EXOC6B: variants seen among roughly 807,000 people sequenced by gnomAD.
EXOC6B encodes exocyst complex component 6B, also known as SEC15 homolog B.
In EXOC6B, 54 loss-of-function variants were observed where a neutral mutation model predicts 113.5. The observed-to-expected ratio is 0.48, with a 90% CI of 0.38 to 0.60. EXOC6B has a LOEUF of 0.60. Ranked by LOEUF, EXOC6B falls within the 20% of genes least tolerant of loss-of-function variation. EXOC6B has a pLI of 0.00. For missense variants in EXOC6B, 797 were observed against 977.5 expected (o/e 0.82, Z 2.46); for synonymous variants, 357 against 339.0 (o/e 1.05, Z -0.58).
intron 1 of EXOC6B, among the ~76,000 whole-genome samples, chr2:72,794,188 C>G (rs1019866252): frequency 2.2e-4 from 34 of 152,226 alleles, no homozygotes; most frequent in Non-Finnish European, 4.9e-4. Context: ...CACAGATAAT[C>G]TGCCAGTTGG....
chr2:72,241,606 T>C (rs1390736906), intron 20 of EXOC6B, among the ~76,000 whole-genome samples: 1 of 151,694 alleles, frequency 6.6e-6, no homozygotes, highest in East Asian at 1.9e-4. Flanking sequence ...TTAAAAGAAG[T>C]TGGGGAGGGG....
intron 6 of EXOC6B, among the ~76,000 whole-genome samples, chr2:72,607,701 ATAT>A (rs1446809894): frequency 2.0e-5 from 3 of 152,172 alleles, no homozygotes; most frequent in African/African-American, 7.2e-5. Context: ...ACAATTAATA[ATAT>A]TATAATTCTT....
chr2:72,312,818 AAAAC>A (rs1687284032), intron 20 of EXOC6B, among the ~76,000 whole-genome samples: 1 of 151,934 alleles, frequency 6.6e-6, no homozygotes, highest in African/African-American at 2.4e-5. Flanking sequence ...AAAAAAACAA[AAAAC>A]AAAGTGAAAA....
intron 2 of EXOC6B, among the ~76,000 whole-genome samples, chr2:72,738,492 T>G (rs1394692422): frequency 6.6e-6 from 1 of 152,214 alleles, no homozygotes; most frequent in Non-Finnish European, 1.5e-5. Flanking sequence ...GAATGAAAAT[T>G]TTGTATTAAT....
chr2:72,714,749 C>G (rs915526643), intron 6 of EXOC6B, among the ~76,000 whole-genome samples: 1 of 152,102 alleles, frequency 6.6e-6, no homozygotes, highest in African/African-American at 2.4e-5. Context: ...AATGTAAGGC[C>G]ATCAAACTGA....
intron 16 of EXOC6B, among the ~76,000 whole-genome samples, chr2:72,484,563 T>TCA (rs1446665788): frequency 4.0e-5 from 4 of 99,772 alleles, no homozygotes; most frequent in African/African-American, 1.8e-4. Flanking sequence ...CGAGACTCCG[T>TCA]CACAAAAAAA....
chr2:72,280,787 AC>A (rs768808995), intron 20 of EXOC6B, among the ~76,000 whole-genome samples: 24 of 152,116 alleles, frequency 1.6e-4, no homozygotes, highest in Admixed American at 5.9e-4. Context: ...AATGCCACAT[AC>A]CATATATTTT....
At chr2:72,647,319 G>C (rs1047014098) in intron 6 of EXOC6B, among the ~76,000 whole-genome samples, 1 of 152,034 alleles carries the variant, frequency 6.6e-6, no homozygotes, top group African/African-American at 2.4e-5. Flanking sequence ...TCATAGATAG[G>C]AAGAATCAAT....
chr2:72,531,183 T>C (rs1701980710), intron 8 of EXOC6B, among the ~76,000 whole-genome samples: 1 of 152,184 alleles, frequency 6.6e-6, no homozygotes, highest in South Asian at 2.1e-4. Context: ...TAAATAACCA[T>C]TTTTTAGAAT....
At chr2:72,440,069 G>A (rs1696109163) in intron 18 of EXOC6B, among the ~76,000 whole-genome samples, 1 of 152,106 alleles carries the variant, frequency 6.6e-6, no homozygotes, top group Admixed American at 6.6e-5. Flanking sequence ...CTGTACCAGG[G>A]AGGTATGGAC....
At chr2:72,475,567 TG>T (rs1450885786) in intron 17 of EXOC6B, among the ~76,000 whole-genome samples, 2 of 151,946 alleles carry the variant, frequency 1.3e-5, no homozygotes, top group East Asian at 3.9e-4. Flanking sequence ...GCACAGGGGT[TG>T]GGGGGTGGCA....
intron 6 of EXOC6B, among the ~76,000 whole-genome samples, chr2:72,715,854 T>C (rs1679578753): frequency 6.6e-6 from 1 of 152,120 alleles, no homozygotes; most frequent in Admixed American, 6.5e-5. Context: ...TGAGCATCCC[T>C]GGAAGATACT....
At chr2:72,234,083 C>CTTTTTTT (rs34660222) in intron 20 of EXOC6B, among the ~76,000 whole-genome samples, 5 of 131,912 alleles carry the variant, frequency 3.8e-5, no homozygotes, top group African/African-American at 1.5e-4. Context: ...TGGACCGCCT[C>CTTTTTTT]TTTTTTTTTT....
chr2:72,338,964 T>C (rs1256333951), intron 19 of EXOC6B, among the ~76,000 whole-genome samples: 3 of 114,384 alleles, frequency 2.6e-5, no homozygotes, highest in African/African-American at 1.1e-4. Flanking sequence ...CACATACACA[T>C]ACATACACAT....
intron 6 of EXOC6B, among the ~76,000 whole-genome samples, chr2:72,711,001 C>T (rs899086461): frequency 6.6e-6 from 1 of 152,102 alleles, no homozygotes; most frequent in Non-Finnish European, 1.5e-5. Context: ...AGAAATCAGC[C>T]TAGACAAGAA....
intron 18 of EXOC6B, among the ~76,000 whole-genome samples, chr2:72,405,504 T>C (rs889311525): frequency 9.2e-5 from 14 of 152,338 alleles, no homozygotes; most frequent in African/African-American, 3.4e-4. Context: ...TGCGGATCTC[T>C]TGGCAGAAAC....
intron 7 of EXOC6B, among the ~76,000 whole-genome samples, chr2:72,564,383 A>C (rs780144831): frequency 1.3e-5 from 2 of 152,204 alleles, no homozygotes; most frequent in African/African-American, 4.8e-5. Context: ...AGGAATTTAG[A>C]TATCTTTCTC....
At chr2:72,488,438 A>G (rs984351193) in intron 16 of EXOC6B, among the ~76,000 whole-genome samples, 2 of 152,004 alleles carry the variant, frequency 1.3e-5, no homozygotes, top group Admixed American at 6.6e-5. Flanking sequence ...CTCACTTCCA[A>G]TCTGCAAATT....
chr2:72,476,799 A>G (rs891764836), intron 17 of EXOC6B, among the ~76,000 whole-genome samples: 3 of 152,188 alleles, frequency 2.0e-5, no homozygotes, highest in African/African-American at 7.2e-5. Context: ...TCAGGTTGGT[A>G]TTTATCTACT....
Sources: allele counts gnomAD v4.1 joint callset (sites outside exome capture counted in the v4.1 genomes callset), GRCh38; gene constraint gnomAD v4.1.1; transcripts MANE v1.5; gene names NCBI Gene and HGNC (gene_info 2026-07-23, HGNC 2026-07-21).